The following SPIDR variants were observed in gnomAD, a reference collection of about 807,000 sequenced individuals.
SPIDR encodes the protein scaffold protein involved in DNA repair.
A neutral mutation model predicts 104.6 loss-of-function variants in SPIDR; 93 were observed. That is an observed-to-expected ratio of 0.89 (90% CI 0.75 to 1.06). SPIDR has a LOEUF of 1.06. Among genes scored for constraint, SPIDR ranks in the 50% least tolerant of loss-of-function variants. SPIDR has a pLI of 0.00. For missense variants in SPIDR, 1,154 were observed against 1,111.2 expected, an observed-to-expected ratio of 1.04 and a Z score of -0.55; for synonymous variants, 431 against 416.9, an observed-to-expected ratio of 1.03 and a Z score of -0.41.
intron 10 of SPIDR, among the ~76,000 whole-genome samples, chr8:47,671,919 A>AT (rs912240855): frequency 2.0e-5 from 3 of 151,988 alleles, no homozygotes; most frequent in African/African-American, 4.8e-5. Flanking sequence ...TTGGATTTCC[A>AT]TTTCGTTGTC....
intron 10 of SPIDR, among the ~76,000 whole-genome samples, chr8:47,618,368 T>C (rs1211482780): frequency 6.6e-6 from 1 of 152,190 alleles, no homozygotes; most frequent in Non-Finnish European, 1.5e-5. Context: ...AAAAAATTTT[T>C]CCCTTTAAGG....
chr8:47,630,537 T>G (rs960612905), intron 10 of SPIDR, among the ~76,000 whole-genome samples: 1 of 152,206 alleles, frequency 6.6e-6, no homozygotes, highest in Non-Finnish European at 1.5e-5. Flanking sequence ...CCTAGAACTT[T>G]CCATTGCTAT....
intron 10 of SPIDR, among the ~76,000 whole-genome samples, chr8:47,615,497 G>C (rs1246734162): frequency 7.4e-6 from 1 of 135,866 alleles, no homozygotes; most frequent in East Asian, 2.1e-4. Context: ...TTTTCGGCCA[G>C]AGTCTCACTC....
At chr8:47,582,268 C>T (rs979909610) in intron 8 of SPIDR, among the ~76,000 whole-genome samples, 1 of 151,228 alleles carries the variant, frequency 6.6e-6, no homozygotes, top group African/African-American at 2.4e-5. Context: ...TAGTAATCTA[C>T]ATGTTAGTTA....
chr8:47,584,504 A>AAATTTCCTTATGAAT (rs1430649092), intron 8 of SPIDR, among the ~76,000 whole-genome samples: 1 of 152,220 alleles, frequency 6.6e-6, no homozygotes, highest in African/African-American at 2.4e-5. Context: ...GCAACAAACT[A>AAATTTCCTTATGAAT]AATTTCCTTA....
intron 7 of SPIDR, among the ~76,000 whole-genome samples, chr8:47,422,508 ACCCCTTT>A (rs1444542856): frequency 6.6e-6 from 1 of 152,024 alleles, no homozygotes; most frequent in Admixed American, 6.5e-5. Context: ...GCCATCTGTC[ACCCCTTT>A]CCTTAGCTAG....
intron 10 of SPIDR, among the ~76,000 whole-genome samples, chr8:47,672,275 T>C (rs1384700136): frequency 6.6e-6 from 1 of 152,182 alleles, no homozygotes; most frequent in Non-Finnish European, 1.5e-5. Flanking sequence ...TTGGTATTTG[T>C]TTTTCTTCCT....
At chr8:47,283,468 A>C (rs2038213664) in intron 2 of SPIDR, among the ~76,000 whole-genome samples, 1 of 152,198 alleles carries the variant, frequency 6.6e-6, no homozygotes, top group Non-Finnish European at 1.5e-5. Context: ...TAAAGTTTGA[A>C]ATCTTGGAAT....
At chr8:47,420,216 T>G (rs960908095) in intron 7 of SPIDR, among the ~76,000 whole-genome samples, 46 of 152,154 alleles carry the variant, frequency 3.0e-4, no homozygotes, top group African/African-American at 6.8e-4. Context: ...ACAGTGGGGT[T>G]TTAAAGCCTC....
chr8:47,660,313 C>A, intron 10 of SPIDR: 2 of 352,668 alleles, frequency 5.7e-6, no homozygotes, highest in Non-Finnish European at 8.0e-6. Flanking sequence ...ATATTCACTT[C>A]ATAATGGACT....
Position 47,701,880 on chromosome 8 carries a change from C to G in SPIDR, c.1917+16C>G. The G allele has an allele frequency of 6.2e-7, 1 of 1,614,112 alleles. No individual in the cohort carries two copies. The highest frequency in any genetic ancestry group is 8.5e-7 in the Non-Finnish European group (1 of 1,180,020). On this transcript the variant is annotated intron_variant, in intron 13 of 19. Coordinates refer to ENST00000297423, the MANE Select transcript of SPIDR (RefSeq NM_001080394.4). ...CATTCTCCAGGTAATGTCTTTGTTT[C>G]TAACAGGTTTTTTAGGTATTGGCCA...
chr8:47,649,582 G>T (rs1382331583), intron 10 of SPIDR, among the ~76,000 whole-genome samples: 1 of 152,188 alleles, frequency 6.6e-6, no homozygotes, highest in African/African-American at 2.4e-5. Flanking sequence ...ATTAGGTGGA[G>T]GGAAGATCAG....
At chr8:47,553,785 T>C (rs1325860528) in intron 8 of SPIDR, among the ~76,000 whole-genome samples, 1 of 152,258 alleles carries the variant, frequency 6.6e-6, no homozygotes, top group Non-Finnish European at 1.5e-5. Context: ...CTTTGCTCTG[T>C]TGCTGGCAAG....
chr8:47,495,609 G>A (rs978073069), intron 8 of SPIDR, among the ~76,000 whole-genome samples: 1 of 151,840 alleles, frequency 6.6e-6, no homozygotes, highest in Non-Finnish European at 1.5e-5. Flanking sequence ...AGGAGCCATT[G>A]CCTGGTCCGA....
chr8:47,553,936 A>T, intron 8 of SPIDR, among the ~76,000 whole-genome samples: 1 of 152,094 alleles, frequency 6.6e-6, no homozygotes, highest in Non-Finnish European at 1.5e-5. Flanking sequence ...TTTGGTGTGG[A>T]TGTCCTTCCT....
intron 16 of SPIDR, among the ~76,000 whole-genome samples, chr8:47,721,256 G>T (rs192241761): frequency 6.6e-6 from 1 of 152,132 alleles, no homozygotes; most frequent in East Asian, 1.9e-4. Flanking sequence ...GATCCATTTT[G>T]AATTAATTTT....
chr8:47,441,119 A>G (rs1318152748), intron 8 of SPIDR, among the ~76,000 whole-genome samples: 1 of 152,096 alleles, frequency 6.6e-6, no homozygotes, highest in African/African-American at 2.4e-5. Flanking sequence ...GCTAATTATT[A>G]ATTTTTTCGT....
chr8:47,428,144 G>A (rs934508585), intron 7 of SPIDR, among the ~76,000 whole-genome samples: 2 of 152,150 alleles, frequency 1.3e-5, no homozygotes, highest in Non-Finnish European at 2.9e-5. Context: ...GGCTGGTCTC[G>A]AACTTCTGAC....
intron 6 of SPIDR, among the ~76,000 whole-genome samples, chr8:47,404,718 T>C (rs918041919): frequency 4.0e-5 from 6 of 151,570 alleles, no homozygotes; most frequent in Non-Finnish European, 8.8e-5. Flanking sequence ...CTGGAGAGGA[T>C]GTGGAGAGAA....
Sources: gnomAD v4.1 joint callset for allele counts (sites outside exome capture counted in the v4.1 genomes callset) on GRCh38, gnomAD v4.1.1 for gene constraint, MANE v1.5 for transcripts, NCBI Gene and HGNC (gene_info 2026-07-23, HGNC 2026-07-21) for gene names.